Variants in BORCS5 observed in about 807,000 individuals in gnomAD.
The protein encoded by BORCS5 is BLOC-1-related complex subunit 5.
In BORCS5, 17 loss-of-function variants were observed where a neutral mutation model predicts 22.1. That is an observed-to-expected ratio of 0.77 (90% CI 0.53 to 1.15). BORCS5 has a LOEUF of 1.15. BORCS5 is among the 50% of genes most tolerant of loss of function. BORCS5 has a pLI of 0.00. For missense variants in BORCS5, 247 were observed against 253.2 expected (o/e 0.98, Z 0.17); for synonymous variants, 117 against 99.8 (o/e 1.17, Z -1.03).
chr12:12,374,970 T>A (rs911367749), intron 2 of BORCS5, among the ~76,000 whole-genome samples: 7 of 149,724 alleles, frequency 4.7e-5, no homozygotes, highest in Admixed American at 1.3e-4. Flanking sequence ...AAAAAAAAAA[T>A]TATTAACCAA....
At chr12:12,428,157 C>T (rs557684775) in intron 2 of BORCS5, among the ~76,000 whole-genome samples, 19 of 152,292 alleles carry the variant, frequency 1.2e-4, no homozygotes, top group Admixed American at 2.6e-4. Flanking sequence ...GTATCTAAGC[C>T]TCTCAGAGTT....
chr12:12,422,408 G>A (rs540446635), intron 2 of BORCS5, among the ~76,000 whole-genome samples: 16 of 152,152 alleles, frequency 1.1e-4, no homozygotes, highest in African/African-American at 2.9e-4. Context: ...GAGGTCAGGC[G>A]TTCAAGACCA....
chr12:12,400,526 C>T (rs1941442965), intron 2 of BORCS5, among the ~76,000 whole-genome samples: 1 of 151,052 alleles, frequency 6.6e-6, no homozygotes, highest in Non-Finnish European at 1.5e-5. Context: ...ATGCCTTGTC[C>T]TCCATAGAGA....
intron 2 of BORCS5, among the ~76,000 whole-genome samples, chr12:12,416,848 C>G (rs1417629777): frequency 1.4e-5 from 2 of 143,510 alleles, no homozygotes; most frequent in African/African-American, 2.6e-5. Flanking sequence ...GTGGCACAGT[C>G]TCAGCTCACT....
intron 3 of BORCS5, among the ~76,000 whole-genome samples, chr12:12,463,092 T>C (rs2136163132): frequency 6.6e-6 from 1 of 152,266 alleles, no homozygotes; most frequent in African/African-American, 2.4e-5. Flanking sequence ...GAAAGGCAAA[T>C]AAGGATATAT....
At chr12:12,412,525 A>G (rs11531025) in intron 2 of BORCS5, among the ~76,000 whole-genome samples, 44,257 of 152,108 alleles carry the variant, frequency 0.29, 7,084 homozygotes, top group Non-Finnish European at 0.35. Context: ...TTTTTGTGGA[A>G]CATTCAGGTT....
At position 12,465,675 on chromosome 12, in the gene BORCS5, G is replaced by A. The variant is rs199869851; in HGVS notation, c.490G>A (p.Asp164Asn). 1.5e-4 allele frequency: 237 copies of A among 1,614,232 alleles called. 1 individual carries two copies. The East Asian group carries it at 2.0e-3, about 14-fold the overall frequency. Residue 164 changes from aspartate (D) to asparagine (N), a missense_variant, in exon 4 of 4, where the codon GAC becomes AAC. Transcript: ENST00000314565. ...CCTCCGCCGCATACAGATGGGCATCGACCAGACTGTGCCCCTGCTGGACAG... is the reference window on the plus strand; with the variant it reads ...CCTCCGCCGCATACAGATGGGCATCAACCAGACTGTGCCCCTGCTGGACAG... The part of the protein sequence containing the change: ...AILRRIQMGI[D>N]QTVPLLDRLN...
intron 2 of BORCS5, among the ~76,000 whole-genome samples, chr12:12,372,392 T>C (rs1863551041): frequency 6.6e-6 from 1 of 152,130 alleles, no homozygotes; most frequent in African/African-American, 2.4e-5. Context: ...TTGCCCAGGC[T>C]AGAGTGCAGT....
At chr12:12,393,233 T>A (rs1247677827) in intron 2 of BORCS5, among the ~76,000 whole-genome samples, 1 of 151,820 alleles carries the variant, frequency 6.6e-6, no homozygotes, top group Non-Finnish European at 1.5e-5. Context: ...AGACCTTATC[T>A]CCAAAAAATA....
intron 3 of BORCS5, among the ~76,000 whole-genome samples, chr12:12,450,362 T>C: frequency 6.6e-6 from 1 of 152,248 alleles, no homozygotes; most frequent in East Asian, 1.9e-4. Flanking sequence ...TGTGAAATGT[T>C]TGTACAAGTG....
chr12:12,402,135 T>C (rs1014577201), intron 2 of BORCS5, among the ~76,000 whole-genome samples: 2 of 151,924 alleles, frequency 1.3e-5, no homozygotes, highest in African/African-American at 4.8e-5. Context: ...TATAGTTTAA[T>C]CATTCTCCCA....
At chr12:12,369,538 A>T (rs1863476355) in intron 2 of BORCS5, among the ~76,000 whole-genome samples, 1 of 150,976 alleles carries the variant, frequency 6.6e-6, no homozygotes, top group South Asian at 2.1e-4. Flanking sequence ...ATTCCATTTT[A>T]GTTTCTTTTC....
At chr12:12,406,420 C>T (rs746964579) in intron 2 of BORCS5, among the ~76,000 whole-genome samples, 35 of 152,338 alleles carry the variant, frequency 2.3e-4, no homozygotes, top group Non-Finnish European at 4.3e-4. Flanking sequence ...ATCAGGGCGT[C>T]TTCTCCAGTG....
At chr12:12,386,005 T>G (rs76087812) in intron 2 of BORCS5, among the ~76,000 whole-genome samples, 3 of 141,248 alleles carry the variant, frequency 2.1e-5, no homozygotes, top group African/African-American at 7.7e-5. Flanking sequence ...GTCCATGTGG[T>G]TTTTTTTTTT....
At chr12:12,384,717 G>T (rs377285969) in intron 2 of BORCS5, among the ~76,000 whole-genome samples, 12 of 150,988 alleles carry the variant, frequency 7.9e-5, no homozygotes, top group Non-Finnish European at 1.5e-4. Context: ...TTTAAAAGAC[G>T]ACAATCACTT....
chr12:12,424,770 G>A (rs1450381999), intron 2 of BORCS5, among the ~76,000 whole-genome samples: 1 of 152,100 alleles, frequency 6.6e-6, no homozygotes, highest in African/African-American at 2.4e-5. Context: ...ATACATGTTA[G>A]GTCTCCTCAG....
intron 2 of BORCS5, among the ~76,000 whole-genome samples, chr12:12,368,206 T>A (rs1211622571): frequency 6.6e-6 from 1 of 152,104 alleles, no homozygotes; most frequent in Admixed American, 6.5e-5. Flanking sequence ...GTATTTAACA[T>A]AGGTTTCTAT....
intron 3 of BORCS5, among the ~76,000 whole-genome samples, chr12:12,454,365 A>C (rs1205993769): frequency 6.6e-6 from 1 of 152,206 alleles, no homozygotes; most frequent in African/African-American, 2.4e-5. Flanking sequence ...TTTTAATTTG[A>C]GCCATCCCAG....
Position 12,442,861 on chromosome 12 carries a change from A to T in BORCS5, c.360+7076A>T, listed in dbSNP as rs1231627552. 2.0e-5 allele frequency among the ~76,000 whole-genome samples: 3 copies of T among 152,202 alleles called. No individual in the cohort carries two copies. The East Asian group carries it at 5.8e-4, about 29-fold the overall frequency. On this transcript the variant is annotated intron_variant, in intron 3 of 3. Coordinates refer to ENST00000314565, the MANE Select transcript of BORCS5 (RefSeq NM_058169.6). The stretch of plus-strand genomic sequence containing the variant: ...AGAGTTGCCATTCATGGGCCTGCAC[A>T]CAGGGCTGGGCAGGGATTTCTTTCT...
Sources: gnomAD v4.1 joint callset for allele counts (sites outside exome capture counted in the v4.1 genomes callset) on GRCh38, gnomAD v4.1.1 for gene constraint, MANE v1.5 for transcripts, NCBI Gene and HGNC (gene_info 2026-07-23, HGNC 2026-07-21) for gene names.